The following CCDC91 variants were observed in gnomAD, a reference collection of about 807,000 sequenced individuals.
CCDC91 encodes coiled-coil domain containing 91.
CCDC91 carries 48 observed loss-of-function variants against 63.2 expected under a neutral mutation model. The ratio of observed to expected loss-of-function variants is 0.76; its 90% CI spans 0.60 to 0.97. The LOEUF is 0.97. Among genes scored for constraint, CCDC91 ranks in the 50% least tolerant of loss-of-function variants. CCDC91 has a pLI of 0.00. For missense variants in CCDC91, 500 were observed against 494.6 expected (o/e 1.01, Z -0.10); for synonymous variants, 167 against 165.8 (o/e 1.01, Z -0.06).
chr12:28,379,830 T>G (rs527928673), intron 7 of CCDC91, among the ~76,000 whole-genome samples: 10 of 152,200 alleles, frequency 6.6e-5, no homozygotes, highest in Non-Finnish European at 1.2e-4. Flanking sequence ...TTATAAATCA[T>G]TCTACTATAA....
At chr12:28,217,524 A>C (rs543163135) in intron 1 of CCDC91, among the ~76,000 whole-genome samples, 2 of 152,278 alleles carry the variant, frequency 1.3e-5, no homozygotes, top group East Asian at 3.9e-4. Flanking sequence ...AGCATTTATT[A>C]ATTATTTTTC....
chr12:28,278,071 T>C (rs1289761672), intron 3 of CCDC91, among the ~76,000 whole-genome samples: 1 of 152,084 alleles, frequency 6.6e-6, no homozygotes, highest in Non-Finnish European at 1.5e-5. Flanking sequence ...TCTTCCTTCA[T>C]AGCCCAGTTT....
chr12:28,475,136 G>T (rs1951016976), intron 11 of CCDC91, among the ~76,000 whole-genome samples: 1 of 152,000 alleles, frequency 6.6e-6, no homozygotes, highest in South Asian at 2.1e-4. Context: ...AAATTTTAAG[G>T]AATTAGAGAG....
intron 1 of CCDC91, among the ~76,000 whole-genome samples, chr12:28,216,684 T>A (rs527879218): frequency 1.3e-5 from 2 of 152,154 alleles, no homozygotes; most frequent in East Asian, 3.9e-4. Flanking sequence ...TAACAGGCAA[T>A]CGTTGAGAGC....
At chr12:28,499,618 T>C (rs1232397360) in intron 12 of CCDC91, among the ~76,000 whole-genome samples, 1 of 150,554 alleles carries the variant, frequency 6.6e-6, no homozygotes, top group Non-Finnish European at 1.5e-5. Context: ...TGGTTTTCTG[T>C]TCTTGTGAGA....
rs73265418 is a variant in CCDC91, at chr12:28,449,941, T to C, written c.763-220T>C. Among the ~76,000 whole-genome samples, 211 of 152,096 alleles carry C rather than the reference T, an allele frequency of 1.4e-3. 1 individual carries two copies. Among genetic ancestry groups the C allele is most frequent in the African/African-American group, 4.9e-3 (202 of 41,574 alleles). On this transcript the variant is annotated intron_variant, in intron 8 of 12. Coordinates refer to ENST00000536442, the MANE Select transcript of CCDC91 (RefSeq NM_018318.5). ...TGTTCTTAAGTTAGATTTCTTGTCA[T>C]ATACTCTGTTGAACTTGGGGCTAAG...
chr12:28,402,699 G>A (rs950260588), intron 8 of CCDC91, among the ~76,000 whole-genome samples: 4 of 151,920 alleles, frequency 2.6e-5, no homozygotes, highest in African/African-American at 9.7e-5. Context: ...GCAGTTGCGA[G>A]AAAGGGAATA....
At chr12:28,538,056 CT>C (rs903818017) in intron 12 of CCDC91, among the ~76,000 whole-genome samples, 3 of 140,780 alleles carry the variant, frequency 2.1e-5, no homozygotes, top group Non-Finnish European at 3.0e-5. Context: ...TGTTCTTTTT[CT>C]TTTTTTTCTT....
Position 28,517,573 on chromosome 12 carries a change from T to C in CCDC91, c.1216-31490T>C, listed in dbSNP as rs1316239508. On this transcript the variant is annotated intron_variant, in intron 12 of 12. Transcript: ENST00000536442. Reference sequence around the variant, plus strand: ...TGGCACATATTCACACAATAGAGTTTTATTTGTTTTTATTTTATTCATTTC... The same window carrying C: ...TGGCACATATTCACACAATAGAGTTCTATTTGTTTTTATTTTATTCATTTC... Among the ~76,000 whole-genome samples the C allele has an allele frequency of 6.6e-5, 10 of 152,124 alleles. No homozygotes were observed. The East Asian group carries it at 1.9e-3, about 30-fold the overall frequency.
chr12:28,396,132 T>C (rs564377630), intron 8 of CCDC91, among the ~76,000 whole-genome samples: 49 of 152,320 alleles, frequency 3.2e-4, no homozygotes, highest in African/African-American at 1.1e-3. Flanking sequence ...GGAAGACTTA[T>C]AGGACTAATG....
intron 3 of CCDC91, chr12:28,268,695 G>GA: frequency 1.0e-6 from 1 of 983,920 alleles, no homozygotes; most frequent in Non-Finnish European, 1.2e-6. Flanking sequence ...TCAGAGGGTA[G>GA]AAGTCATCAT....
chr12:28,501,414 G>A (rs1937843813), intron 12 of CCDC91, among the ~76,000 whole-genome samples: 1 of 151,936 alleles, frequency 6.6e-6, no homozygotes. Flanking sequence ...TTTTTAGCAT[G>A]AAGGGTTGTT....
chr12:28,264,549 G>A (rs1185924280), intron 3 of CCDC91, among the ~76,000 whole-genome samples: 1 of 148,356 alleles, frequency 6.7e-6, no homozygotes, highest in Non-Finnish European at 1.5e-5. Context: ...ATATATATGT[G>A]TATAAGAATA....
intron 1 of CCDC91, among the ~76,000 whole-genome samples, chr12:28,201,320 C>T (rs3965411): frequency 3.4e-5 from 5 of 146,788 alleles, no homozygotes; most frequent in Non-Finnish European, 3.0e-5. Flanking sequence ...ACGGGGCGGC[C>T]GGGCAGAGAC....
chr12:28,424,541 A>AT (rs1948198949), intron 8 of CCDC91, among the ~76,000 whole-genome samples: 1 of 152,104 alleles, frequency 6.6e-6, no homozygotes, highest in Non-Finnish European at 1.5e-5. Flanking sequence ...TTTGTCATAA[A>AT]TTTGTTAACT....
At chr12:28,507,004 A>T (rs2141228922) in intron 12 of CCDC91, among the ~76,000 whole-genome samples, 1 of 152,090 alleles carries the variant, frequency 6.6e-6, no homozygotes, top group South Asian at 2.1e-4. Flanking sequence ...GAATTCATAT[A>T]TGTGCAGATA....
chr12:28,275,431 A>G (rs146973773), intron 3 of CCDC91, among the ~76,000 whole-genome samples: 17 of 152,272 alleles, frequency 1.1e-4, no homozygotes, highest in Non-Finnish European at 2.4e-4. Flanking sequence ...GAAGAAGTTG[A>G]ATCTCTGAAT....
chr12:28,299,090 G>T (rs1937755950), intron 3 of CCDC91, among the ~76,000 whole-genome samples: 1 of 151,458 alleles, frequency 6.6e-6, no homozygotes, highest in Non-Finnish European at 1.5e-5. Context: ...GTTTTGCCTA[G>T]GGAAGGATTT....
intron 6 of CCDC91, among the ~76,000 whole-genome samples, chr12:28,347,217 G>T (rs993823558): frequency 6.6e-6 from 1 of 152,160 alleles, no homozygotes; most frequent in Non-Finnish European, 1.5e-5. Flanking sequence ...AGCAGAAGTG[G>T]TCCTGACAAA....
Sources: gnomAD v4.1 joint callset for allele counts (sites outside exome capture counted in the v4.1 genomes callset) on GRCh38, gnomAD v4.1.1 for gene constraint, MANE v1.5 for transcripts, NCBI Gene and HGNC (gene_info 2026-07-23, HGNC 2026-07-21) for gene names.